The following NF2 variants were observed in gnomAD, a reference collection of about 807,000 sequenced individuals.
The protein encoded by NF2 is merlin.
In NF2, 8 loss-of-function variants were observed where a neutral mutation model predicts 83.7. That is an observed-to-expected ratio of 0.10 (90% CI 0.06 to 0.17). The LOEUF is 0.17. NF2 is among the 10% of genes least tolerant of loss of function. The probability of loss-of-function intolerance (pLI) is 1.00; values close to 1 mark genes in which losing one functional copy is unlikely to be tolerated. For missense variants in NF2, 533 were observed against 744.4 expected, an observed-to-expected ratio of 0.72 and a Z score of 3.31; for synonymous variants, 266 against 269.6, an observed-to-expected ratio of 0.99 and a Z score of 0.13.
intron 10 of NF2, among the ~76,000 whole-genome samples, chr22:29,669,838 A>G (rs1266445641): frequency 1.3e-5 from 2 of 152,342 alleles, no homozygotes; most frequent in South Asian, 2.1e-4. Context: ...TTTCTCATCC[A>G]TCAGGTGAAA....
In NF2 at chr22:29,675,758, C is replaced by T. The variant is rs1434305994; in HGVS notation, c.1446+817C>T. Among the ~76,000 whole-genome samples the T allele has an allele frequency of 3.9e-5, 6 of 152,240 alleles. No individual in the cohort carries two copies. The East Asian group carries it at 1.2e-3, about 29-fold the overall frequency. On this transcript the variant is annotated intron_variant, in intron 13 of 15. Transcript: ENST00000338641. The stretch of plus-strand genomic sequence containing the variant: ...CACAGTCATCTACATGGCACAGACA[C>T]ACACACGTACCCATACATACATTGA...
chr22:29,658,329 A>C, intron 7 of NF2, 65 bp downstream of exon 7: 1 of 1,360,066 alleles, frequency 7.4e-7, no homozygotes, highest in Non-Finnish European at 1.1e-6. Context: ...CCAGACTGCT[A>C]AAATGGTTAC....
In NF2 at chr22:29,670,503, T is replaced by TTGTGTGTGTGTGTG. The variant is rs131255; in HGVS notation, c.1000-1301_1000-1288dup. Among the ~76,000 whole-genome samples, 1,433 of 146,414 alleles carry TTGTGTGTGTGTGTG rather than the reference T, an allele frequency of 9.8e-3. 29 individuals are homozygous for TTGTGTGTGTGTGTG. Among genetic ancestry groups the TTGTGTGTGTGTGTG allele is most frequent in the African/African-American group, 0.031 (1,220 of 38,894 alleles). On this transcript the variant is annotated intron_variant, in intron 10 of 15. Transcript: ENST00000338641. ...TTGTCTTTGCATTATCTTTTTGAGC[T>TTGTGTGTGTGTGTG]TGTGTGTGTGTGTGTGTGTGTGTGT...
intron 4 of NF2, among the ~76,000 whole-genome samples, chr22:29,648,664 G>T (rs1470606814): frequency 2.0e-5 from 3 of 152,156 alleles, no homozygotes; most frequent in Non-Finnish European, 4.4e-5. Flanking sequence ...GTCTCTCTCT[G>T]TCACCCAGGT....
chr22:29,660,371 A>C (rs1036289037), intron 7 of NF2, among the ~76,000 whole-genome samples: 4 of 152,180 alleles, frequency 2.6e-5, no homozygotes, highest in Non-Finnish European at 5.9e-5. Flanking sequence ...TTACAGGAAA[A>C]CTGAAAGAAT....
intron 1 of NF2, among the ~76,000 whole-genome samples, chr22:29,620,712 G>A (rs2065196269): frequency 6.6e-6 from 1 of 151,908 alleles, no homozygotes; most frequent in Admixed American, 6.6e-5. Context: ...ATGACAGGGA[G>A]AGACTCCGAC....
chr22:29,683,068 G>T, intron 15 of NF2: 1 of 1,614,216 alleles, frequency 6.2e-7, no homozygotes, highest in Non-Finnish European at 8.5e-7. Flanking sequence ...CCTCAAAGTA[G>T]GTTGTTCCCA....
chr22:29,676,785 C>T (rs1195912761), intron 13 of NF2, among the ~76,000 whole-genome samples: 1 of 152,188 alleles, frequency 6.6e-6, no homozygotes, highest in African/African-American at 2.4e-5. Flanking sequence ...GATTTTGATA[C>T]TCTCCAAAGA....
chr22:29,673,447 A>G lies in NF2; in HGVS notation c.1301A>G (p.Glu434Gly), dbSNP rs1601648832. Residue 434 changes from glutamate (E) to glycine (G), a missense_variant, in exon 12 of 16, where the codon GAG becomes GGG. Physicochemically the swap from Glu to Gly is moderately conservative, Grantham distance 98. This residue lies in a region of NF2 where 199 missense variants were observed against 240.7 expected (regional missense o/e 0.83). Transcript: ENST00000338641. ...ATGGAGCAGAAGGTGCTGGAAGCCG[A>G]GGTGCTGGCACTGAAGATGGCTGAG... ...RLMEQKVLEAEVLALKMAEES... is the reference protein window; with the variant it reads ...RLMEQKVLEAGVLALKMAEES... 1 of 1,611,884 alleles carries G rather than the reference A, an allele frequency of 6.2e-7. No homozygotes were observed.
chr22:29,671,900 G>A lies in NF2; in HGVS notation c.1074G>A (p.Arg358=), dbSNP rs770949972. The change falls in exon 11 of 16, where the codon AGG becomes AGA. Residue 358 remains arginine, a synonymous_variant. Coordinates refer to ENST00000338641, the MANE Select transcript of NF2 (RefSeq NM_000268.4). ...EAERTRDELE[R]RLLQMKEEAT... is the part of the protein sequence containing the mutation. ...AACGCACGAGGGATGAGTTGGAGAGGAGGCTGCTGCAGATGAAAGAAGAAG... is the reference window on the plus strand; with the variant it reads ...AACGCACGAGGGATGAGTTGGAGAGAAGGCTGCTGCAGATGAAAGAAGAAG... The A allele has an allele frequency of 1.2e-6, 2 of 1,614,208 alleles. No individual in the cohort carries two copies. Among genetic ancestry groups the A allele is most frequent in the Non-Finnish European group, 1.7e-6 (2 of 1,180,046 alleles).
intron 4 of NF2, among the ~76,000 whole-genome samples, chr22:29,650,505 ATTGT>A (rs201314028): frequency 0.022 from 3,297 of 151,778 alleles, 46 homozygotes; most frequent in Non-Finnish European, 0.031. Flanking sequence ...CTACTACTGT[ATTGT>A]TTGTTTGTTT....
At chr22:29,608,400 A>G (rs73390916) in intron 1 of NF2, among the ~76,000 whole-genome samples, 2 of 149,652 alleles carry the variant, frequency 1.3e-5, no homozygotes, top group South Asian at 2.2e-4. Flanking sequence ...TGCCTCAGCC[A>G]CCGCACAGTG....
At chr22:29,626,388 G>A (rs776341881) in intron 1 of NF2, among the ~76,000 whole-genome samples, 6 of 151,952 alleles carry the variant, frequency 3.9e-5, no homozygotes, top group African/African-American at 4.8e-5. Context: ...TCTTGATCTC[G>A]TGATCCACCC....
chr22:29,654,700 C>T lies in NF2; in HGVS notation c.491C>T (p.Ala164Val), dbSNP rs2146967027. 6.2e-7 allele frequency: 1 copy of T among 1,613,824 alleles called. No individual in the cohort carries two copies. Among genetic ancestry groups the T allele is most frequent in the Non-Finnish European group, 8.5e-7 (1 of 1,179,790 alleles). Residue 164 changes from alanine (A) to valine (V), a missense_variant, in exon 5 of 16, where the codon GCC (alanine) becomes GTC (valine). By Grantham distance (64) the Ala-to-Val change is moderately conservative (BLOSUM62 0). Around this residue, in one of 3 missense-constraint regions of NF2, gnomAD observed 326 missense variants for 475.1 expected, o/e 0.69. Transcript: ENST00000338641. ...AGTGTTCACAAGCGGGGATTTTTGG[C>T]CCAAGAGGAATTGCTTCCAAAAAGG... ...DPSVHKRGFL[A>V]QEELLPKRVI...
intron 15 of NF2, chr22:29,683,197 G>A (rs1394064299): frequency 1.0e-5 from 16 of 1,606,434 alleles, no homozygotes; most frequent in Admixed American, 1.7e-5. Flanking sequence ...CCTGGGTACT[G>A]GCCGCAGCAT....
intron 7 of NF2, among the ~76,000 whole-genome samples, chr22:29,659,697 G>A (rs1362619380): frequency 6.6e-6 from 1 of 152,168 alleles, no homozygotes; most frequent in Non-Finnish European, 1.5e-5. Flanking sequence ...GAGTGTTGGA[G>A]TCATAATGGT....
chr22:29,619,104 G>A (rs572613392), intron 1 of NF2, among the ~76,000 whole-genome samples: 2 of 152,092 alleles, frequency 1.3e-5, no homozygotes, highest in Non-Finnish European at 2.9e-5. Flanking sequence ...AGACTGGAGT[G>A]CATGATCTCA....
At position 29,664,949 on chromosome 22, in the gene NF2, AG is replaced by A. The variant is rs753043679; in HGVS notation, c.811-39del. 2.1e-6 allele frequency: 3 copies of A among 1,429,288 alleles called. No individual in the cohort carries two copies. The African/African-American group carries it at 4.2e-5, about 20-fold the overall frequency. The allele number at this position is 1,429,288 out of a possible 1,614,324, so 88.5% of individuals were successfully genotyped here. On this transcript the variant is annotated intron_variant, in intron 8 of 15. Transcript: ENST00000338641. ...AATTTCCAATTGCTGGTAACATTCCAGGCTGTCGGACTGAAACTGTGTTCTG... is the reference window on the plus strand; with the variant it reads ...AATTTCCAATTGCTGGTAACATTCCAGCTGTCGGACTGAAACTGTGTTCTG...
At chr22:29,654,071 G>C (rs1237884864) in intron 4 of NF2, among the ~76,000 whole-genome samples, 1 of 151,832 alleles carries the variant, frequency 6.6e-6, no homozygotes, top group Non-Finnish European at 1.5e-5. Context: ...ATTTCCAACC[G>C]CATTAGTGAC....
Sources: allele counts gnomAD v4.1 joint callset (sites outside exome capture counted in the v4.1 genomes callset), GRCh38; gene constraint gnomAD v4.1.1; regional missense constraint gnomAD v4.1.1; transcripts MANE v1.5; gene names NCBI Gene and HGNC (gene_info 2026-07-23, HGNC 2026-07-21).